The following UNC79 variants were observed in gnomAD, a reference collection of about 807,000 sequenced individuals.
UNC79 encodes the protein unc-79 subunit of NALCN channel complex.
In UNC79, 37 loss-of-function variants were observed where a neutral mutation model predicts 283.1. That is an observed-to-expected ratio of 0.13 (90% confidence interval 0.10 to 0.17). The LOEUF is 0.17. UNC79 is among the 10% of genes least tolerant of loss of function. The probability of loss-of-function intolerance (pLI) is 1.00; values close to 1 mark genes in which losing one functional copy is unlikely to be tolerated. For missense variants in UNC79, 2,272 were observed against 3,211.1 expected (o/e 0.71, Z 7.07); for synonymous variants, 1,107 against 1,200.2 (o/e 0.92, Z 1.61).
chr14:93,689,972 T>C (rs1413725188), intron 44 of UNC79, 145 bp from the exon 48 acceptor site: 1 of 780,376 alleles, frequency 1.3e-6, no homozygotes, highest in African/African-American at 1.7e-5. Context: ...TATCATTTTG[T>C]TGACACTCAA....
intron 14 of UNC79, among the ~76,000 whole-genome samples, chr14:93,561,766 T>C (rs911575743): frequency 4.6e-5 from 7 of 151,992 alleles, no homozygotes; most frequent in Non-Finnish European, 7.4e-5. Flanking sequence ...GAGTTAAGAG[T>C]GGCGGTTTGG....
intron 6 of UNC79, among the ~76,000 whole-genome samples, chr14:93,496,720 A>G (rs1595649247): frequency 6.6e-6 from 1 of 152,210 alleles, no homozygotes; most frequent in Non-Finnish European, 1.5e-5. Context: ...AGCTAATATT[A>G]TATGTTATGA....
chr14:93,578,103 A>C, intron 18 of UNC79, 40 bp downstream of exon 18: 1 of 1,583,092 alleles, frequency 6.3e-7, no homozygotes, highest in Non-Finnish European at 8.6e-7. Context: ...AGAGGTGAAG[A>C]ATGAGAGAAA....
intron 1 of UNC79, among the ~76,000 whole-genome samples, chr14:93,373,387 C>G (rs2054492931): frequency 6.6e-6 from 1 of 151,768 alleles, no homozygotes; most frequent in African/African-American, 2.4e-5. Flanking sequence ...AGTAGATAAA[C>G]CTCTAGCCAG....
intron 47 of UNC79, among the ~76,000 whole-genome samples, chr14:93,694,922 A>G (rs972596111): frequency 6.6e-6 from 1 of 152,232 alleles, no homozygotes; most frequent in Non-Finnish European, 1.5e-5. Flanking sequence ...TGCTTTCTCT[A>G]AGACAAATTA....
chr14:93,704,076 C>A (rs568743297), intron 47 of UNC79, among the ~76,000 whole-genome samples: 1 of 152,308 alleles, frequency 6.6e-6, no homozygotes, highest in Admixed American at 6.5e-5. Flanking sequence ...GGTTCTCCAG[C>A]AGGGACTTGC....
intron 1 of UNC79, among the ~76,000 whole-genome samples, chr14:93,338,232 G>A (rs1244205607): frequency 6.6e-6 from 1 of 152,090 alleles, no homozygotes; most frequent in Non-Finnish European, 1.5e-5. Flanking sequence ...GACATTTTGG[G>A]ATGAGTGAGT....
chr14:93,365,383 TCA>T (rs1491310584), intron 1 of UNC79, among the ~76,000 whole-genome samples: 2,694 of 27,546 alleles, frequency 0.098, 46 homozygotes, highest in South Asian at 0.27. Context: ...ATACTCCATC[TCA>T]AAAAAAAAAA....
At chr14:93,357,034 C>T (rs539543883) in intron 1 of UNC79, among the ~76,000 whole-genome samples, 1 of 152,278 alleles carries the variant, frequency 6.6e-6, no homozygotes, top group Admixed American at 6.5e-5. Flanking sequence ...AAGTAGGCCC[C>T]AGTGTTTCTT....
intron 4 of UNC79, among the ~76,000 whole-genome samples, chr14:93,485,607 A>G (rs1485601999): frequency 6.6e-6 from 1 of 152,160 alleles, no homozygotes; most frequent in Admixed American, 6.5e-5. Context: ...CATTTGGCTG[A>G]AAGTTCTTCT....
intron 1 of UNC79, among the ~76,000 whole-genome samples, chr14:93,375,471 A>G (rs560168281): frequency 6.6e-6 from 1 of 152,350 alleles, no homozygotes; most frequent in South Asian, 2.1e-4. Flanking sequence ...TTAATGGGTT[A>G]ATGGATTAAT....
intron 1 of UNC79, among the ~76,000 whole-genome samples, chr14:93,431,794 C>T (rs1309519314): frequency 2.0e-5 from 3 of 152,182 alleles, no homozygotes; most frequent in Admixed American, 6.5e-5. Context: ...AAGCAACCTG[C>T]TAACTCCTTG....
At chr14:93,606,257 T>C (rs1175720074) in intron 26 of UNC79, among the ~76,000 whole-genome samples, 1 of 152,224 alleles carries the variant, frequency 6.6e-6, no homozygotes, top group Non-Finnish European at 1.5e-5. Context: ...TTCAGGCATC[T>C]AATTATTCCA....
chr14:93,697,982 T>C (rs2075271776), intron 47 of UNC79, among the ~76,000 whole-genome samples: 1 of 152,242 alleles, frequency 6.6e-6, no homozygotes, highest in African/African-American at 2.4e-5. Flanking sequence ...CTCTTTTGCT[T>C]TCTTTCTGGC....
chr14:93,380,494 G>A (rs2139987353), intron 1 of UNC79, among the ~76,000 whole-genome samples: 1 of 152,156 alleles, frequency 6.6e-6, no homozygotes, highest in Non-Finnish European at 1.5e-5. Context: ...AATCCCCTTT[G>A]ACCACTCTAA....
At chr14:93,410,285 G>A (rs1465082104) in intron 1 of UNC79, among the ~76,000 whole-genome samples, 2 of 152,204 alleles carry the variant, frequency 1.3e-5, no homozygotes, top group African/African-American at 2.4e-5. Context: ...TAGCCAGAGG[G>A]GAATCACCTA....
rs1015494634 is a variant in UNC79, at chr14:93,597,247, A to G, written c.3191-112A>G. 3 of 1,120,866 alleles carry G rather than the reference A, an allele frequency of 2.7e-6. No homozygotes were observed. The Admixed American group carries it at 6.6e-5, about 25-fold the overall frequency. The allele number at this position is 1,120,866 out of a possible 1,614,324, so 69.4% of individuals were successfully genotyped here. A position where few individuals can be genotyped will look rare whatever the true frequency, so the allele number is the denominator to read the frequency against. On this transcript the variant is annotated intron_variant, in intron 23 of 48. Coordinates refer to ENST00000555664, the Ensembl canonical transcript of UNC79. ...AAAGTAAACCATGCGGGAGACCCAG[A>G]GTTAACTTTTTGTCTGTGAGTTCAG...
intron 47 of UNC79, among the ~76,000 whole-genome samples, chr14:93,699,514 C>T (rs1369874040): frequency 6.6e-6 from 1 of 152,038 alleles, no homozygotes; most frequent in Non-Finnish European, 1.5e-5. Flanking sequence ...AGTTTGGTTT[C>T]TTCTTTGCCC....
At chr14:93,515,712 C>T (rs1466416067) in intron 7 of UNC79, among the ~76,000 whole-genome samples, 2 of 151,948 alleles carry the variant, frequency 1.3e-5, no homozygotes, top group African/African-American at 4.8e-5. Flanking sequence ...TACCAATGAA[C>T]TTTTTGCTCA....
Sources: gnomAD v4.1 joint callset for allele counts (sites outside exome capture counted in the v4.1 genomes callset) on GRCh38, gnomAD v4.1.1 for gene constraint, MANE v1.5 for transcripts, NCBI Gene and HGNC (gene_info 2026-07-23, HGNC 2026-07-21) for gene names.